The following ARMCX4 variants were observed in gnomAD, a reference collection of about 807,000 sequenced individuals.
ARMCX4 encodes armadillo repeat containing X-linked 4.
A neutral mutation model predicts 34.7 loss-of-function variants in ARMCX4; 3 were observed. The ratio of observed to expected loss-of-function variants is 0.09; its 90% CI spans 0.04 to 0.22. The LOEUF (loss-of-function observed/expected upper bound fraction) is 0.22. Ranked by LOEUF, ARMCX4 falls within the 10% of genes least tolerant of loss-of-function variation. The probability of loss-of-function intolerance (pLI) is 1.00; values close to 1 mark genes in which losing one functional copy is unlikely to be tolerated. For synonymous variants in ARMCX4, 513 were observed against 632.8 expected, an observed-to-expected ratio of 0.81 and a Z score of 2.84; for missense variants, 1,448 against 1,720.8, an observed-to-expected ratio of 0.84 and a Z score of 2.81.
downstream of ARMCX4, among the ~76,000 whole-genome samples, chrX:101,497,746 A>G (rs1318433167): frequency 5.4e-5 from 6 of 112,015 alleles, no homozygotes; most frequent in African/African-American, 1.9e-4. Context: ...AATAAATATT[A>G]TTTGTAAAGC....
At chrX:101,463,334 T>A (rs1242642170) in intron 4 of ARMCX4, among the ~76,000 whole-genome samples, 1 of 111,765 alleles carries the variant, frequency 8.9e-6, no homozygotes, top group Non-Finnish European at 1.9e-5. Flanking sequence ...CATGCAAGGC[T>A]CCTCATCCCA....
At chrX:101,506,543 G>C (rs1227048876) in intron 8 of ARMCX4, among the ~76,000 whole-genome samples, 4 of 111,076 alleles carry the variant, frequency 3.6e-5, no homozygotes, top group African/African-American at 9.8e-5. Flanking sequence ...GAGAGAGAGA[G>C]ACACTTTCTG....
chrX:101,468,537 G>T (rs1453769019), intron 4 of ARMCX4, among the ~76,000 whole-genome samples: 1 of 110,865 alleles, frequency 9.0e-6, no homozygotes, highest in South Asian at 3.9e-4. Context: ...CGACCCACCC[G>T]CCTTGGCCTC....
At chrX:101,462,038 A>G (rs782411561) in intron 4 of ARMCX4, among the ~76,000 whole-genome samples, 1 of 112,517 alleles carries the variant, frequency 8.9e-6, no homozygotes, top group South Asian at 3.6e-4. Context: ...GTCAGTAAAC[A>G]TTGCTAATGA....
chrX:101,459,768 A>C (rs1366299216), intron 4 of ARMCX4, among the ~76,000 whole-genome samples: 1 of 112,720 alleles, frequency 8.9e-6, no homozygotes, highest in Non-Finnish European at 1.9e-5. Flanking sequence ...CTATCTGCAC[A>C]GGTTTTCCCA....
downstream of ARMCX4, chrX:101,446,248 TG>T (rs1196217632): frequency 3.8e-4 from 43 of 112,218 alleles, no homozygotes; most frequent in African/African-American, 1.4e-3. Flanking sequence ...TGGTTTTTTT[TG>T]AGCAGATTTT....
rs1556008690 is a variant in ARMCX4, at chrX:101,490,882, A to G, written c.2293A>G (p.Lys765Glu). The change falls in exon 6 of 6, where the codon AAA becomes GAA. Residue 765 changes from lysine to glutamate, a missense_variant. By Grantham distance (56) the Lys-to-Glu change is moderately conservative. Coordinates refer to ENST00000423738, the MANE Select transcript of ARMCX4 (RefSeq NM_001256155.3). ...NSQGEVLPGAKNKVKANLNAV... is the reference protein window; with the variant it reads ...NSQGEVLPGAENKVKANLNAV... ...TCAGGGTGAGGTCTTGCCTGGTGCC[A>G]AAAATAAGGTCAAGGCCAATCTTAA... 1 of 1,154,736 alleles carries G rather than the reference A, an allele frequency of 8.7e-7. No individual in the cohort carries two copies. The highest frequency in any genetic ancestry group is 1.1e-6 in the Non-Finnish European group (1 of 872,486).
intron 11 of ARMCX4, among the ~76,000 whole-genome samples, chrX:101,512,819 T>C (rs1011792672): frequency 1.2e-5 from 1 of 85,021 alleles, no homozygotes; most frequent in Non-Finnish European, 2.1e-5. Flanking sequence ...TATATACACA[T>C]ATATATACAC....
At chrX:101,486,835 G>C (rs1038432473) in intron 2 of ARMCX4, among the ~76,000 whole-genome samples, 6 of 109,956 alleles carry the variant, frequency 5.5e-5, no homozygotes, top group African/African-American at 2.0e-4. Context: ...GCTGAGGTGG[G>C]AGGATCTTTT....
intron 10 of ARMCX4, chrX:101,510,989 G>A (rs1311811609): frequency 9.0e-6 from 1 of 110,845 alleles, no homozygotes; most frequent in East Asian, 2.8e-4. Context: ...TTAATATTTT[G>A]AAACTTATCA....
At chrX:101,448,800 C>A (rs959374745), downstream of ARMCX4, among the ~76,000 whole-genome samples, 1 of 110,971 alleles carries the variant, frequency 9.0e-6, no homozygotes, top group Non-Finnish European at 1.9e-5. Flanking sequence ...ACTTTGTTGG[C>A]CAGGTTGGTC....
downstream of ARMCX4, chrX:101,446,162 G>A (rs1393568451): frequency 8.9e-6 from 1 of 111,744 alleles, no homozygotes. Flanking sequence ...ACTTCCTGCA[G>A]AATATACTGA....
chrX:101,477,047 T>C (rs1933220998), intron 4 of ARMCX4, among the ~76,000 whole-genome samples: 1 of 111,138 alleles, frequency 9.0e-6, no homozygotes, highest in African/African-American at 3.3e-5. Flanking sequence ...AACACTCAAA[T>C]TGAAATTTCA....
chrX:101,493,054 G>A lies in ARMCX4; in HGVS notation c.4465G>A (p.Gly1489Arg). Residue 1489 changes from glycine (G) to arginine (R), a missense_variant, in exon 6 of 6, where the codon GGG becomes AGG. Around this residue, in one of 2 missense-constraint regions of ARMCX4, gnomAD observed 1,343 missense variants for 1,540.7 expected, o/e 0.87. Coordinates refer to ENST00000423738, the MANE Select transcript of ARMCX4 (RefSeq NM_001256155.3). ...REQVVGDSRL[G>R]LRDQSSGDSW... ...GCAGGTTGTTGGAGATTCTAGGCTG[G>A]GGCTTAGGGACCAGTCTAGTGGAGA... is the stretch of plus-strand genomic sequence containing the variant. 1 of 1,155,529 alleles carries A rather than the reference G, an allele frequency of 8.7e-7. No individual in the cohort carries two copies. The highest frequency in any genetic ancestry group is 1.1e-6 in the Non-Finnish European group (1 of 872,494).
intron 2 of ARMCX4, among the ~76,000 whole-genome samples, chrX:101,436,032 T>G (rs1211095069): frequency 5.4e-5 from 6 of 111,679 alleles, no homozygotes; most frequent in Admixed American, 9.6e-5. Flanking sequence ...TACCATGCTG[T>G]TTTGGTTACT....
At chrX:101,515,178 T>A (rs782499224) in intron 11 of ARMCX4, among the ~76,000 whole-genome samples, 108 of 111,334 alleles carry the variant, frequency 9.7e-4, no homozygotes, top group Non-Finnish European at 1.9e-3. Context: ...ACTTGTTAGT[T>A]TGACAAAAAA....
chrX:101,517,529 C>T (rs1388883586), intron 11 of ARMCX4, among the ~76,000 whole-genome samples: 2 of 110,997 alleles, frequency 1.8e-5, no homozygotes, highest in Non-Finnish European at 3.8e-5. Flanking sequence ...TGTACTTCTG[C>T]CTCCCAAAGT....
chrX:101,420,542 T>C (rs1462273337), intron 2 of ARMCX4, among the ~76,000 whole-genome samples: 1 of 110,846 alleles, frequency 9.0e-6, no homozygotes, highest in Non-Finnish European at 1.9e-5. Context: ...ACAAGTATCA[T>C]GAAAAGGAGG....
Position 101,489,998 on chromosome X carries a change from C to T in ARMCX4, c.1409C>T (p.Ser470Phe). The T allele has an allele frequency of 8.7e-7, 1 of 1,154,877 alleles. No homozygotes were observed. The highest frequency in any genetic ancestry group is 1.1e-6 in the Non-Finnish European group (1 of 872,589). ...AKVGDGTDML[S>F]CTQPQLVASV... ...GTGGGGGATGGGACAGACATGTTGTCCTGTACACAGCCTCAGCTTGTGGCC... is the reference window on the plus strand; with the variant it reads ...GTGGGGGATGGGACAGACATGTTGTTCTGTACACAGCCTCAGCTTGTGGCC... The change falls in exon 6 of 6, where the codon TCC becomes TTC. Residue 470 changes from serine to phenylalanine, a missense_variant. Ser to Phe is a radical substitution (Grantham distance 155, BLOSUM62 -2). Coordinates refer to ENST00000423738, the MANE Select transcript of ARMCX4 (RefSeq NM_001256155.3).
Sources: gnomAD v4.1 joint callset for allele counts (sites outside exome capture counted in the v4.1 genomes callset) on GRCh38, gnomAD v4.1.1 for gene constraint, gnomAD v4.1.1 regional missense constraint, MANE v1.5 for transcripts, NCBI Gene and HGNC (gene_info 2026-07-23, HGNC 2026-07-21) for gene names.